The following CLDN18 variants were observed in gnomAD, a reference collection of about 807,000 sequenced individuals.
CLDN18 encodes the protein claudin 18.
A neutral mutation model predicts 25.0 loss-of-function variants in CLDN18; 20 were observed. The ratio of observed to expected loss-of-function variants is 0.80; its 90% CI spans 0.56 to 1.16. The LOEUF (loss-of-function observed/expected upper bound fraction) is 1.16, where lower values mean the gene tolerates loss of function less well. Among genes scored for constraint, CLDN18 ranks in the 50% most tolerant of loss-of-function variants. The probability of loss-of-function intolerance (pLI) is 0.00; values close to 1 mark genes in which losing one functional copy is unlikely to be tolerated. For missense variants in CLDN18, 297 were observed against 345.4 expected, an observed-to-expected ratio of 0.86 and a Z score of 1.11; for synonymous variants, 125 against 135.6, an observed-to-expected ratio of 0.92 and a Z score of 0.54.
chr3:138,002,619 T>A (rs529126834), intron 1 of CLDN18, among the ~76,000 whole-genome samples: 1 of 152,146 alleles, frequency 6.6e-6, no homozygotes, highest in African/African-American at 2.4e-5. Context: ...TCCATTGAAA[T>A]GAAAGTATGG....
chr3:137,998,960 G>T (rs781287680), exon 1 of CLDN18: 24 of 1,614,242 alleles, frequency 1.5e-5, no homozygotes, highest in Non-Finnish European at 3.4e-6. Flanking sequence ...GACCAGTGGA[G>T]CACCCAAGAC....
At chr3:138,006,554 C>T (rs1389201079), upstream of CLDN18, among the ~76,000 whole-genome samples, 1 of 152,122 alleles carries the variant, frequency 6.6e-6, no homozygotes, top group Non-Finnish European at 1.5e-5. Context: ...AGAATCAGAC[C>T]TGGACTTATC....
In CLDN18 at chr3:138,004,457, G is replaced by T. The variant is rs145282658; in HGVS notation, c.220+5369G>T. On this transcript the variant is annotated intron_variant, in intron 1 of 4. Transcript: ENST00000343735. ...ATAAGAAGAAGCAGACAAAAAAAAC[G>T]AAAGTTTTTTTTTTTAAGTATAATA... is the stretch of plus-strand genomic sequence containing the variant. 6.5e-3 allele frequency among the ~76,000 whole-genome samples: 994 copies of T among 151,932 alleles called. 10 individuals carry two copies. The highest frequency in any genetic ancestry group is 0.022 in the African/African-American group (895 of 41,486).
chr3:138,023,516 G>T, intron 1 of CLDN18, 142 bp from the exon 2 acceptor site: 2 of 683,230 alleles, frequency 2.9e-6, no homozygotes, highest in East Asian at 2.7e-5. Context: ...CAATGGCAAG[G>T]TTCACAGTTT....
At chr3:138,027,879 A>T (rs1942344110) in intron 3 of CLDN18, among the ~76,000 whole-genome samples, 1 of 152,200 alleles carries the variant, frequency 6.6e-6, no homozygotes, top group African/African-American at 2.4e-5. Flanking sequence ...ATGAGGGGGC[A>T]GGGCTCTTCA....
chr3:138,028,565 G>T (rs1232909987), intron 3 of CLDN18, among the ~76,000 whole-genome samples: 1 of 152,170 alleles, frequency 6.6e-6, no homozygotes, highest in Non-Finnish European at 1.5e-5. Flanking sequence ...TCCAAGAGAA[G>T]GCACTCCTTT....
Position 138,029,879 on chromosome 3 carries a change from T to G in CLDN18, c.586T>G (p.Cys196Gly). The G allele has an allele frequency of 6.3e-7, 1 of 1,595,344 alleles. No homozygotes were observed. The highest frequency in any genetic ancestry group is 8.5e-7 in the Non-Finnish European group (1 of 1,171,096). Residue 196 changes from cysteine to glycine, a missense_variant, in exon 4 of 5, where the codon TGC becomes GGC. Physicochemically the swap from Cys to Gly is radical, Grantham distance 159. Transcript: ENST00000183605. ...LIGGVMMCIACRGLAPEETNY... is the reference protein window; with the variant it reads ...LIGGVMMCIAGRGLAPEETNY... ...TGGGGGTGTGATGATGTGCATCGCC[T>G]GCCGGGGCCTGGCACCAGAAGAAAC...
intron 3 of CLDN18, among the ~76,000 whole-genome samples, chr3:138,026,657 A>C (rs1942331275): frequency 6.6e-6 from 1 of 151,848 alleles, no homozygotes; most frequent in Non-Finnish European, 1.5e-5. Flanking sequence ...AAAAACAAAC[A>C]AAAAAAAATT....
In CLDN18 at chr3:138,023,708, G is replaced by T. The variant is rs1942294933; in HGVS notation, c.271G>T (p.Ala91Ser). The T allele has an allele frequency of 1.9e-6, 3 of 1,614,058 alleles. No individual in the cohort carries two copies. Among genetic ancestry groups the T allele is most frequent in the Non-Finnish European group, 1.7e-6 (2 of 1,180,008 alleles). The change falls in exon 2 of 5, where the codon GCC (alanine) becomes TCC (serine). Residue 91 changes from alanine to serine, a missense_variant. Ala to Ser is a moderately conservative substitution (Grantham distance 99). Coordinates refer to ENST00000183605, the MANE Select transcript of CLDN18 (RefSeq NM_016369.4). ...ALMIVGIVLG[A>S]IGLLVSIFAL... The stretch of plus-strand genomic sequence containing the variant: ...GATGATCGTAGGCATCGTCCTGGGT[G>T]CCATTGGCCTCCTGGTATCCATCTT...
rs1181696909 is a variant in CLDN18, at chr3:138,012,870, GT to G, written c.220+2427del. Among the ~76,000 whole-genome samples, 7 of 152,190 alleles carry G rather than the reference GT, an allele frequency of 4.6e-5. No individual in the cohort carries two copies. The East Asian group carries it at 1.3e-3, about 29-fold the overall frequency. ...GTGTTTGGAGCCCAGGAAGAAAGTGGTTATTCAGTAGGAAGAGTCAGGAGGG... is the reference window on the plus strand; with the variant it reads ...GTGTTTGGAGCCCAGGAAGAAAGTGGTATTCAGTAGGAAGAGTCAGGAGGG... On this transcript the variant is annotated intron_variant, in intron 1 of 4. Coordinates refer to ENST00000183605, the MANE Select transcript of CLDN18 (RefSeq NM_016369.4).
At chr3:137,999,514 C>A (rs932153744) in intron 1 of CLDN18, among the ~76,000 whole-genome samples, 2 of 152,144 alleles carry the variant, frequency 1.3e-5, no homozygotes, top group African/African-American at 4.8e-5. Flanking sequence ...TGTGCCTGAA[C>A]TCAGCTTCCA....
At chr3:138,030,515 G>A (rs1408743418) in intron 4 of CLDN18, among the ~76,000 whole-genome samples, 2 of 152,180 alleles carry the variant, frequency 1.3e-5, no homozygotes, top group Non-Finnish European at 2.9e-5. Flanking sequence ...TCCATGAAAT[G>A]AGCAGCTTGA....
rs150154800 is a variant in CLDN18 at position 138,033,483 on chromosome 3, G to C, written c.*2342G>C. On this transcript the variant is annotated 3_prime_UTR_variant, in exon 5 of 5. Coordinates refer to ENST00000183605, the MANE Select transcript of CLDN18 (RefSeq NM_016369.4). ...AGGTAGTGCGGTGTGGCTCAGCTGG[G>C]TTTTTAATTAGCGCATTCTCTATCC... 6.6e-6 allele frequency: 1 copy of C among 152,202 alleles called. No homozygotes were observed. Among genetic ancestry groups the C allele is most frequent in the Non-Finnish European group, 1.5e-5 (1 of 68,050 alleles). The allele number at this position is 152,202 out of a possible 1,614,324, so 9.4% of individuals were successfully genotyped here.
At chr3:138,010,543 C>G in intron 1 of CLDN18, 98 bp downstream of exon 1, 1 of 1,437,188 alleles carries the variant, frequency 7.0e-7, no homozygotes, top group Non-Finnish European at 9.6e-7. Context: ...GGTGAGGACC[C>G]TGGCAGCTCT....
chr3:138,020,653 T>A (rs1159058468), intron 1 of CLDN18, among the ~76,000 whole-genome samples: 1 of 152,138 alleles, frequency 6.6e-6, no homozygotes, highest in Non-Finnish European at 1.5e-5. Context: ...CTGGAGAGAG[T>A]TCTCTCCCAG....
chr3:138,012,449 C>T (rs1003325744), intron 1 of CLDN18, among the ~76,000 whole-genome samples: 1 of 152,176 alleles, frequency 6.6e-6, no homozygotes, highest in Non-Finnish European at 1.5e-5. Flanking sequence ...CCCTCACCTA[C>T]CTTCCTTGGC....
rs906506123 is a variant in CLDN18 at position 138,032,024 on chromosome 3, T to C, written c.*883T>C. On this transcript the variant is annotated 3_prime_UTR_variant, in exon 5 of 5. Coordinates refer to ENST00000183605, the MANE Select transcript of CLDN18 (RefSeq NM_016369.4). ...GTCTATATGGTACTTTGTAAAGTCA[T>C]GCTTAAGTACAAATTCCATGAAAAG... 2.0e-5 allele frequency: 3 copies of C among 152,232 alleles called. No homozygotes were observed. Among genetic ancestry groups the C allele is most frequent in the Non-Finnish European group, 2.9e-5 (2 of 68,044 alleles). The allele number at this position is 152,232 out of a possible 1,614,324, so 9.4% of individuals were successfully genotyped here. A position where few individuals can be genotyped will look rare whatever the true frequency, so the allele number is the denominator to read the frequency against.
chr3:138,020,183 G>C (rs1426650533), intron 1 of CLDN18, among the ~76,000 whole-genome samples: 1 of 152,222 alleles, frequency 6.6e-6, no homozygotes, highest in Non-Finnish European at 1.5e-5. Flanking sequence ...ACTAGACATA[G>C]GGGGTTTCTG....
chr3:138,001,198 TG>T (rs780522752), intron 1 of CLDN18, among the ~76,000 whole-genome samples: 10 of 152,220 alleles, frequency 6.6e-5, no homozygotes, highest in Non-Finnish European at 1.0e-4. Context: ...AGCCCTGGCT[TG>T]CAGCCCTAAT....
Sources: gnomAD v4.1 joint callset for allele counts (sites outside exome capture counted in the v4.1 genomes callset) on GRCh38, gnomAD v4.1.1 for gene constraint, MANE v1.5 for transcripts, NCBI Gene and HGNC (gene_info 2026-07-23, HGNC 2026-07-21) for gene names.